The following TSHZ2 variants were observed in gnomAD, a reference collection of about 807,000 sequenced individuals.
TSHZ2 encodes teashirt homolog 2.
Under a neutral mutation model 74.4 loss-of-function variants are expected in TSHZ2, and 21 were observed. The observed-to-expected ratio is 0.28, with a 90% CI of 0.20 to 0.41. The LOEUF is 0.41. Among genes scored for constraint, TSHZ2 ranks in the 10% least tolerant of loss-of-function variants. The pLI, the probability that TSHZ2 is intolerant of heterozygous loss-of-function variation, is 1.00. For missense variants in TSHZ2, 1,244 were observed against 1,293.5 expected (o/e 0.96, Z 0.59); for synonymous variants, 540 against 515.3 (o/e 1.05, Z -0.65).
intron 2 of TSHZ2, among the ~76,000 whole-genome samples, chr20:53,270,288 G>A (rs1218821341): frequency 2.6e-5 from 4 of 152,134 alleles, no homozygotes; most frequent in Admixed American, 2.6e-4. Context: ...TTGAGTTAAT[G>A]ACTGATGTGG....
At chr20:53,438,867 G>A (rs1000609238) in intron 2 of TSHZ2, among the ~76,000 whole-genome samples, 2 of 152,190 alleles carry the variant, frequency 1.3e-5, no homozygotes, top group African/African-American at 4.8e-5. Context: ...GACTGAGGCT[G>A]CGGAATCGCT....
In TSHZ2 at chr20:53,256,634, G is replaced by T; in HGVS notation, c.*8+63G>T. 2 of 1,509,150 alleles carry T rather than the reference G, an allele frequency of 1.3e-6. No homozygotes were observed. Among genetic ancestry groups the T allele is most frequent in the Non-Finnish European group, 1.8e-6 (2 of 1,127,202 alleles). The allele number at this position is 1,509,150 out of a possible 1,614,324, so 93.5% of individuals were successfully genotyped here. On this transcript the variant is annotated intron_variant, in intron 2 of 2. Coordinates refer to ENST00000371497, the MANE Select transcript of TSHZ2 (RefSeq NM_173485.6). The surrounding 1 kb of genome is among the most constrained non-coding windows in gnomAD (Gnocchi z 4.3). ...GAGGAGCTTTCTTACAGGGAGATGGGTCTGCTTAGAGGCAGCTAGCATCTC... is the reference window on the plus strand; with the variant it reads ...GAGGAGCTTTCTTACAGGGAGATGGTTCTGCTTAGAGGCAGCTAGCATCTC...
intron 1 of TSHZ2, among the ~76,000 whole-genome samples, chr20:52,995,801 T>C (rs1225018764): frequency 1.4e-5 from 2 of 145,762 alleles, no homozygotes; most frequent in African/African-American, 2.5e-5. Flanking sequence ...TTTTTTTTTT[T>C]AGTAGAGACA....
chr20:53,361,408 C>T (rs465580), intron 2 of TSHZ2, among the ~76,000 whole-genome samples: 75,809 of 152,062 alleles, frequency 0.5, 19,617 homozygotes, highest in Non-Finnish European at 0.55. Context: ...TGTCATAAGC[C>T]GAGGCTTCTC....
At chr20:53,093,590 T>C (rs1985951140) in intron 1 of TSHZ2, among the ~76,000 whole-genome samples, 1 of 152,232 alleles carries the variant, frequency 6.6e-6, no homozygotes, top group Non-Finnish European at 1.5e-5. Context: ...TGTTCTTTCT[T>C]TGGCTTTTCT....
At chr20:53,444,022 T>C (rs777481929) in intron 2 of TSHZ2, among the ~76,000 whole-genome samples, 10 of 152,088 alleles carry the variant, frequency 6.6e-5, no homozygotes, top group Non-Finnish European at 1.3e-4. Flanking sequence ...CTCTAGAGTT[T>C]AAGTACGGTG....
At chr20:53,095,876 A>G (rs1986024932) in intron 1 of TSHZ2, among the ~76,000 whole-genome samples, 1 of 151,956 alleles carries the variant, frequency 6.6e-6, no homozygotes, top group African/African-American at 2.4e-5. Context: ...GAGGATTATC[A>G]CCTCACAATT....
At chr20:53,476,125 T>C (rs1181756695) in intron 2 of TSHZ2, among the ~76,000 whole-genome samples, 2 of 144,290 alleles carry the variant, frequency 1.4e-5, no homozygotes, top group African/African-American at 5.3e-5. Flanking sequence ...TTCCAATCAA[T>C]AGAAAAAGAG....
At chr20:53,142,465 G>A (rs1987426575) in intron 1 of TSHZ2, among the ~76,000 whole-genome samples, 1 of 152,176 alleles carries the variant, frequency 6.6e-6, no homozygotes, top group South Asian at 2.1e-4. Flanking sequence ...TCAGAGGTAG[G>A]CTATGTTTTG....
intron 2 of TSHZ2, among the ~76,000 whole-genome samples, chr20:53,354,210 G>A (rs1980760621): frequency 6.6e-6 from 1 of 152,194 alleles, no homozygotes; most frequent in African/African-American, 2.4e-5. Flanking sequence ...GCATAGACTA[G>A]AGAAAATGCA....
chr20:53,050,109 A>ATATATATACACATACATATATGTG (rs1389192623), intron 1 of TSHZ2, among the ~76,000 whole-genome samples: 1 of 95,534 alleles, frequency 1.0e-5, no homozygotes, highest in Non-Finnish European at 1.8e-5. Context: ...GTGTGTATAT[A>ATATATATACACATACATATATGTG]TATATATATA....
chr20:53,293,013 G>T (rs1386880123), intron 2 of TSHZ2, among the ~76,000 whole-genome samples: 2 of 152,196 alleles, frequency 1.3e-5, no homozygotes, highest in Non-Finnish European at 1.5e-5. Flanking sequence ...AGTTTAATTA[G>T]GTGGGTAGGG....
At chr20:53,436,393 G>GA (rs1035259444) in intron 2 of TSHZ2, among the ~76,000 whole-genome samples, 56 of 152,160 alleles carry the variant, frequency 3.7e-4, no homozygotes, top group African/African-American at 1.3e-3. Context: ...ACCAAACCCA[G>GA]AAGCTCAGAG....
chr20:52,990,389 C>T (rs1028881598), intron 1 of TSHZ2, among the ~76,000 whole-genome samples: 3 of 130,994 alleles, frequency 2.3e-5, no homozygotes, highest in Admixed American at 1.8e-4. Flanking sequence ...GTACGCTGAA[C>T]GTAAATAAAA....
At chr20:53,002,325 TA>T (rs1470900912) in intron 1 of TSHZ2, among the ~76,000 whole-genome samples, 1 of 152,230 alleles carries the variant, frequency 6.6e-6, no homozygotes, top group Non-Finnish European at 1.5e-5. Context: ...CCTTCTGGTT[TA>T]ACTCTGAGTA....
At chr20:53,463,425 AGGAAGGAAGGAGGGAGGGAG>A (rs1985453266) in intron 2 of TSHZ2, among the ~76,000 whole-genome samples, 3 of 117,888 alleles carry the variant, frequency 2.5e-5, no homozygotes, top group Non-Finnish European at 5.2e-5. Context: ...GAAGGAAGGA[AGGAAGGAAGGAGGGAGGGAG>A]GGAAGGAAGG....
At chr20:52,987,714 C>A (rs909140569) in intron 1 of TSHZ2, among the ~76,000 whole-genome samples, 1 of 152,150 alleles carries the variant, frequency 6.6e-6, no homozygotes, top group East Asian at 1.9e-4. Context: ...TCTACCTGGT[C>A]TCAGCATGAA....
At chr20:53,374,568 C>T (rs1810489819) in intron 2 of TSHZ2, among the ~76,000 whole-genome samples, 1 of 152,184 alleles carries the variant, frequency 6.6e-6, no homozygotes, top group African/African-American at 2.4e-5. Flanking sequence ...AATCTCCAAA[C>T]TGCTTTCCAC....
Position 53,256,369 on chromosome 20 carries a change from A to C in TSHZ2, c.2911A>C (p.Ile971Leu), listed in dbSNP as rs1373310282. 5 of 1,613,158 alleles carry C rather than the reference A, an allele frequency of 3.1e-6. No homozygotes were observed. In the South Asian group the frequency reaches 4.4e-5, roughly 14 times the overall value. ...CCAGCAAAGCAAGGTGGAGCAAGAG[A>C]TCTCCCGGGTATCGTCGGCTCAGAG... ...VDQQSKVEQE[I>L]SRVSSAQRSP... Residue 971 changes from isoleucine to leucine, a missense_variant, in exon 2 of 3, where the codon ATC (isoleucine) becomes CTC (leucine). Ile to Leu is a conservative substitution (Grantham distance 5). Transcript: ENST00000371497. This position sits in a 1 kb window ranked among gnomAD's most constrained non-coding sequence, Gnocchi z 4.3.
Sources: gnomAD v4.1 joint callset for allele counts (sites outside exome capture counted in the v4.1 genomes callset) on GRCh38, gnomAD v4.1.1 for gene constraint, Gnocchi (gnomAD v3.1) non-coding constraint, MANE v1.5 for transcripts, NCBI Gene and HGNC (gene_info 2026-07-23, HGNC 2026-07-21) for gene names.